The following CEMIP variants were observed in gnomAD, a reference collection of about 807,000 sequenced individuals.
The protein encoded by CEMIP is cell migration-inducing and hyaluronan-binding protein.
A neutral mutation model predicts 156.9 loss-of-function variants in CEMIP; 105 were observed. The observed-to-expected ratio is 0.67, with a 90% confidence interval of 0.57 to 0.79. The LOEUF (loss-of-function observed/expected upper bound fraction) is 0.79. Ranked by LOEUF, CEMIP falls within the 30% of genes least tolerant of loss-of-function variation. The probability of loss-of-function intolerance (pLI) is 0.00; values close to 1 mark genes in which losing one functional copy is unlikely to be tolerated. For missense variants in CEMIP, 1,457 were observed against 1,769.4 expected, an observed-to-expected ratio of 0.82 and a Z score of 3.17; for synonymous variants, 676 against 668.4, an observed-to-expected ratio of 1.01 and a Z score of -0.17.
At chr15:80,894,137 C>T (rs137889123) in intron 10 of CEMIP, among the ~76,000 whole-genome samples, 2 of 152,158 alleles carry the variant, frequency 1.3e-5, no homozygotes, top group African/African-American at 4.8e-5. Context: ...ATGCTGGGGA[C>T]AAGGGGGCAA....
At position 80,916,408 on chromosome 15, in the gene CEMIP, G is replaced by A. The variant is rs115810548; in HGVS notation, c.1798-3686G>A. Among the ~76,000 whole-genome samples, 730 of 152,272 alleles carry A rather than the reference G, an allele frequency of 4.8e-3. 8 individuals carry two copies. Among genetic ancestry groups the A allele is most frequent in the African/African-American group, 0.016 (663 of 41,542 alleles). On this transcript the variant is annotated intron_variant, in intron 14 of 29. Transcript: ENST00000394685. Reference sequence around the variant, plus strand: ...TTCAGGAATTGCTTTCACGACTGCCGACCATCAGCAGGAAGGAAGATATCC... The same window carrying A: ...TTCAGGAATTGCTTTCACGACTGCCAACCATCAGCAGGAAGGAAGATATCC...
Position 80,885,780 on chromosome 15 carries a change from A to T in CEMIP, c.797+1426A>T, listed in dbSNP as rs922039030. Among the ~76,000 whole-genome samples, 7 of 152,244 alleles carry T rather than the reference A, an allele frequency of 4.6e-5. No homozygotes were observed. In the East Asian group the frequency reaches 1.3e-3, roughly 29 times the overall value. On this transcript the variant is annotated intron_variant, in intron 7 of 29. Transcript: ENST00000394685. ...TAATATGAACAAAATATTTGTCATC[A>T]TGTCTGGCACAGAATAAGCACTCCA...
chr15:80,780,059 A>G (rs1231327796), intron 1 of CEMIP, among the ~76,000 whole-genome samples: 1 of 152,034 alleles, frequency 6.6e-6, no homozygotes, highest in African/African-American at 2.4e-5. Context: ...GCCGAGCTCT[A>G]GCGGGCGTGC....
chr15:80,797,170 C>T (rs529119469), intron 1 of CEMIP, among the ~76,000 whole-genome samples: 24 of 152,278 alleles, frequency 1.6e-4, no homozygotes, highest in African/African-American at 5.5e-4. Flanking sequence ...GAATTGTGCA[C>T]AGCAACCTGT....
chr15:80,807,533 G>C (rs539445215), intron 1 of CEMIP, among the ~76,000 whole-genome samples: 1 of 152,292 alleles, frequency 6.6e-6, no homozygotes, highest in African/African-American at 2.4e-5. Context: ...CCTGAGGAGA[G>C]GATATTTGTA....
In CEMIP at chr15:80,849,016, G is replaced by A. The variant is rs571339952; in HGVS notation, c.-175-24522G>A. 1.4e-3 allele frequency among the ~76,000 whole-genome samples: 174 copies of A among 123,830 alleles called. 1 individual carries two copies. In the Middle Eastern group the frequency reaches 0.018, roughly 13 times the overall value. The allele number at this position is 123,830 out of a possible 152,430, so 81.2% of individuals were successfully genotyped here. A position where few individuals can be genotyped will look rare whatever the true frequency, so the allele number is the denominator to read the frequency against. ...TTTTTTTTTTTTTTTGAGAGAGATA[G>A]AGCCTTGCTCTGTTGCCCAGGCTGG... is the stretch of plus-strand genomic sequence containing the variant. On this transcript the variant is annotated intron_variant, in intron 1 of 29. Transcript: ENST00000394685.
At chr15:80,887,296 G>C (rs1458173474) in intron 7 of CEMIP, among the ~76,000 whole-genome samples, 1 of 152,162 alleles carries the variant, frequency 6.6e-6, no homozygotes, top group Non-Finnish European at 1.5e-5. Context: ...CTGAGCATGA[G>C]AGAAATAACC....
chr15:80,867,776 C>G (rs1330641935), intron 1 of CEMIP, among the ~76,000 whole-genome samples: 1 of 152,144 alleles, frequency 6.6e-6, no homozygotes, highest in African/African-American at 2.4e-5. Context: ...TCTAGGGATA[C>G]TGTGTCAGGA....
At chr15:80,798,669 T>C (rs1896294050) in intron 1 of CEMIP, among the ~76,000 whole-genome samples, 1 of 152,238 alleles carries the variant, frequency 6.6e-6, no homozygotes, top group Admixed American at 6.5e-5. Flanking sequence ...TGGAATTATG[T>C]ATTCATATCA....
intron 1 of CEMIP, among the ~76,000 whole-genome samples, chr15:80,847,694 C>A (rs1404996886): frequency 6.6e-6 from 1 of 152,204 alleles, no homozygotes; most frequent in African/African-American, 2.4e-5. Context: ...GAAAATAGAT[C>A]CTCACTCCAT....
intron 1 of CEMIP, among the ~76,000 whole-genome samples, chr15:80,799,956 CT>C (rs1306243750): frequency 2.6e-5 from 4 of 151,594 alleles, no homozygotes; most frequent in South Asian, 4.2e-4. Context: ...TCAAGCAATC[CT>C]TCTGCCTCTC....
intron 27 of CEMIP, 78 bp downstream of exon 27, chr15:80,942,415 A>C: frequency 8.1e-7 from 1 of 1,238,452 alleles, no homozygotes; most frequent in Non-Finnish European, 1.2e-6. Context: ...GCTGGCACAA[A>C]TTACTGCAAA....
rs370219200 is a variant in CEMIP, at chr15:80,843,675, GGC to G, written c.-175-29861_-175-29860del. ...GAATAGTTCCTTCTAACCCTTTTGT[GGC>G]GTCAGTCTCAGACGGTTTCTATATG... On this transcript the variant is annotated intron_variant, in intron 1 of 29. Transcript: ENST00000394685. Among the ~76,000 whole-genome samples the G allele has an allele frequency of 7.2e-4, 109 of 152,346 alleles. 1 individual carries two copies. The East Asian group carries it at 0.018, about 25-fold the overall frequency.
chr15:80,819,088 G>C (rs1255211753), intron 1 of CEMIP, among the ~76,000 whole-genome samples: 7 of 152,222 alleles, frequency 4.6e-5, no homozygotes, highest in Admixed American at 1.3e-4. Flanking sequence ...TAGAGACCCT[G>C]AGAGAATGCC....
chr15:80,878,985 A>G (rs2141822882), intron 4 of CEMIP, 118 bp downstream of exon 4: 1 of 1,338,090 alleles, frequency 7.5e-7, no homozygotes, highest in Non-Finnish European at 1.1e-6. Flanking sequence ...CTTTGGGTTC[A>G]TGTTGGCATT....
At chr15:80,909,345 C>A in intron 14 of CEMIP, 39 bp downstream of exon 14, 2 of 1,595,500 alleles carry the variant, frequency 1.3e-6, no homozygotes, top group Non-Finnish European at 1.7e-6. Flanking sequence ...TGGGGATGGG[C>A]CATGGATGGT....
At chr15:80,892,972 A>G (rs1899083771) in intron 10 of CEMIP, among the ~76,000 whole-genome samples, 1 of 152,158 alleles carries the variant, frequency 6.6e-6, no homozygotes, top group East Asian at 1.9e-4. Flanking sequence ...GGATCAATTG[A>G]AGTTAGGAGT....
At chr15:80,917,398 TG>T (rs1228009127) in intron 14 of CEMIP, among the ~76,000 whole-genome samples, 1 of 152,168 alleles carries the variant, frequency 6.6e-6, no homozygotes, top group African/African-American at 2.4e-5. Flanking sequence ...CTCTGGGCCT[TG>T]GCATCCTCCT....
Position 80,881,549 on chromosome 15 carries a change from G to A in CEMIP, c.617+413G>A, listed in dbSNP as rs150744960. 2.3e-3 allele frequency among the ~76,000 whole-genome samples: 353 copies of A among 151,984 alleles called. 1 individual carries two copies. Among genetic ancestry groups the A allele is most frequent in the Non-Finnish European group, 4.0e-3 (273 of 67,944 alleles). On this transcript the variant is annotated intron_variant, in intron 6 of 29. Transcript: ENST00000394685. Reference sequence around the variant, plus strand: ...AGACAGACAGCAAGTGCAGAAGGCCGGAGGTATGAAAGGGCATGACATTCT... The same window carrying A: ...AGACAGACAGCAAGTGCAGAAGGCCAGAGGTATGAAAGGGCATGACATTCT...
Sources: allele counts gnomAD v4.1 joint callset (sites outside exome capture counted in the v4.1 genomes callset), GRCh38; gene constraint gnomAD v4.1.1; transcripts MANE v1.5; gene names NCBI Gene and HGNC (gene_info 2026-07-23, HGNC 2026-07-21).